GSDME: variants seen among roughly 807,000 people sequenced by gnomAD.
GSDME encodes gasdermin-E.
A neutral mutation model predicts 47.5 loss-of-function variants in GSDME; 44 were observed. The ratio of observed to expected loss-of-function variants is 0.93; its 90% confidence interval spans 0.73 to 1.19. The LOEUF (loss-of-function observed/expected upper bound fraction) is 1.19. Ranked by LOEUF, GSDME falls within the 50% of genes most tolerant of loss-of-function variation. The pLI, the probability that GSDME is intolerant of heterozygous loss-of-function variation, is 0.00. For synonymous variants in GSDME, 258 were observed against 252.8 expected (o/e 1.02, Z -0.20); for missense variants, 663 against 604.2 (o/e 1.10, Z -1.02).
chr7:24,747,138 A>G (rs1323113785), intron 2 of GSDME, among the ~76,000 whole-genome samples: 1 of 152,076 alleles, frequency 6.6e-6, no homozygotes, highest in Admixed American at 6.5e-5. Flanking sequence ...AACTCCAATT[A>G]CTCAGGAGTT....
chr7:24,724,432 CT>C lies in GSDME; in HGVS notation c.405-5215del, dbSNP rs1287055648. ...AGGAGAAAATGAACAAGCAGAGGTT[CT>C]TCATCCGCTTCACACATCTAAGGGC... On this transcript the variant is annotated intron_variant, in intron 3 of 9. Coordinates refer to ENST00000645220, the MANE Select transcript of GSDME (RefSeq NM_001127453.2). This position sits in a 1 kb window ranked among gnomAD's most constrained non-coding sequence, Gnocchi z 4.8. Among the ~76,000 whole-genome samples, 1 of 152,190 alleles carries C rather than the reference CT, an allele frequency of 6.6e-6. No individual in the cohort carries two copies. The highest frequency in any genetic ancestry group is 1.5e-5 in the Non-Finnish European group (1 of 68,026).
intron 1 of GSDME, among the ~76,000 whole-genome samples, chr7:24,755,795 C>T (rs1487591420): frequency 4.6e-5 from 7 of 152,136 alleles, no homozygotes; most frequent in Non-Finnish European, 7.4e-5. Flanking sequence ...TAAGAAAGTG[C>T]CCTTGAAAAA....
At chr7:24,766,233 ACAGT>A in the GSDME span, among the ~76,000 whole-genome samples, 1 of 147,154 alleles carries the variant, frequency 6.8e-6, no homozygotes, top group Non-Finnish European at 1.5e-5. The surrounding 1 kb of genome is among the most constrained non-coding windows in gnomAD (Gnocchi z 4.2). Context: ...GCCTGTTTTC[ACAGT>A]CAGCCTATAC....
chr7:24,708,499 A>C (rs1015421171), intron 6 of GSDME, among the ~76,000 whole-genome samples: 10 of 152,164 alleles, frequency 6.6e-5, no homozygotes, highest in Non-Finnish European at 2.9e-5. Flanking sequence ...TTCAAGCTTC[A>C]CTCTTCTCTG....
In GSDME at chr7:24,724,492, G is replaced by A. The variant is rs140485110; in HGVS notation, c.405-5274C>T. Among the ~76,000 whole-genome samples, 165 of 152,292 alleles carry A rather than the reference G, an allele frequency of 1.1e-3. 1 individual carries two copies. The East Asian group carries it at 0.029, about 27-fold the overall frequency. On this transcript the variant is annotated intron_variant, in intron 3 of 9. Transcript: ENST00000645220. The surrounding 1 kb of genome is among the most constrained non-coding windows in gnomAD (Gnocchi z 4.8). The stretch of plus-strand genomic sequence containing the variant: ...TGTTCTTCCTGGCGGGGGCGGCAAC[G>A]TGAAAGCAAGAACAGGAGGCCACTG...
At chr7:24,767,153 G>A in the GSDME span, among the ~76,000 whole-genome samples, 12,804 of 152,152 alleles carry the variant, frequency 0.084, 744 homozygotes, top group Non-Finnish European at 0.13. The surrounding 1 kb of genome is among the most constrained non-coding windows in gnomAD (Gnocchi z 5.3). Flanking sequence ...GTGAAACCCC[G>A]TCTCTACTAA....
the GSDME span, among the ~76,000 whole-genome samples, chr7:24,780,134 C>T: frequency 6.6e-6 from 1 of 152,246 alleles, no homozygotes; most frequent in Non-Finnish European, 1.5e-5. The surrounding 1 kb of genome is among the most constrained non-coding windows in gnomAD (Gnocchi z 4.1). Context: ...GCATCCCTGG[C>T]AGGACGTCCG....
In GSDME at chr7:24,732,515, T is replaced by C. The variant is rs915216344; in HGVS notation, c.404+12047A>G. Among the ~76,000 whole-genome samples the C allele has an allele frequency of 1.3e-5, 2 of 152,330 alleles. No homozygotes were observed. Among genetic ancestry groups the C allele is most frequent in the East Asian group, 3.9e-4 (2 of 5,184 alleles). ...GTACCTGGTTTTGACTTCATTTTGCTGAAAGAGGCACTGAAGAGGGTAGGA... is the reference window on the plus strand; with the variant it reads ...GTACCTGGTTTTGACTTCATTTTGCCGAAAGAGGCACTGAAGAGGGTAGGA... On this transcript the variant is annotated intron_variant, in intron 3 of 9. Coordinates refer to ENST00000645220, the MANE Select transcript of GSDME (RefSeq NM_001127453.2). The surrounding 1 kb of genome is among the most constrained non-coding windows in gnomAD (Gnocchi z 4.8).
chr7:24,750,911 GCTAA>G (rs1048227935), intron 1 of GSDME, among the ~76,000 whole-genome samples: 29 of 152,268 alleles, frequency 1.9e-4, no homozygotes, highest in Admixed American at 1.6e-3. Flanking sequence ...GGAACAATGG[GCTAA>G]CTATCTGGAA....
At position 24,749,629 on chromosome 7, in the gene GSDME, G is replaced by A. The variant is rs1267980857; in HGVS notation, c.146C>T (p.Pro49Leu). Residue 49 changes from proline (P) to leucine (L), a missense_variant, in exon 2 of 10, where the codon CCC (proline) becomes CTC (leucine). Coordinates refer to ENST00000645220, the MANE Select transcript of GSDME (RefSeq NM_001127453.2). The part of the protein sequence containing the change: ...KKKRFWCWQR[P>L]KYQFLSLTLG... ...GGTGAGGGATAAAAACTGGTACTTGGGTCTCTGCCAGCACCAGAATCTCTT... is the reference window on the plus strand; with the variant it reads ...GGTGAGGGATAAAAACTGGTACTTGAGTCTCTGCCAGCACCAGAATCTCTT... 6.2e-7 allele frequency: 1 copy of A among 1,613,980 alleles called. No homozygotes were observed. Among genetic ancestry groups the A allele is most frequent in the Non-Finnish European group, 8.5e-7 (1 of 1,180,010 alleles).
chr7:24,702,496 A>G (rs1788909471), intron 9 of GSDME: 2 of 391,286 alleles, frequency 5.1e-6, no homozygotes, highest in Non-Finnish European at 4.9e-6. Context: ...CAATGGGAAA[A>G]GTATAAGAGT....
rs1423132679 is a variant in GSDME at position 24,733,587 on chromosome 7, C to T, written c.404+10975G>A. 6.6e-6 allele frequency among the ~76,000 whole-genome samples: 1 copy of T among 152,058 alleles called. No homozygotes were observed. The highest frequency in any genetic ancestry group is 2.4e-5 in the African/African-American group (1 of 41,356). On this transcript the variant is annotated intron_variant, in intron 3 of 9. Transcript: ENST00000645220. This position sits in a 1 kb window ranked among gnomAD's most constrained non-coding sequence, Gnocchi z 4.3. Reference sequence around the variant, plus strand: ...GCGTCTCAAACCTGCCAGCATTCACCACAAGCTGACTAAAGAGCCCCTGGC... The same window carrying T: ...GCGTCTCAAACCTGCCAGCATTCACTACAAGCTGACTAAAGAGCCCCTGGC...
At chr7:24,784,852 G>A in the GSDME span, among the ~76,000 whole-genome samples, 6 of 151,958 alleles carry the variant, frequency 3.9e-5, no homozygotes, top group Admixed American at 6.6e-5. Context: ...GAGCCACCGC[G>A]CCCGGACTGC....
the GSDME span, among the ~76,000 whole-genome samples, chr7:24,787,335 A>C: frequency 1.3e-5 from 2 of 152,240 alleles, no homozygotes; most frequent in African/African-American, 2.4e-5. The surrounding 1 kb of genome is among the most constrained non-coding windows in gnomAD (Gnocchi z 5.0). Context: ...CAATGAAAAG[A>C]AGCACATCGT....
At position 24,754,892 on chromosome 7, in the gene GSDME, G is replaced by A. The variant is rs997145071; in HGVS notation, c.-20+2504C>T. Among the ~76,000 whole-genome samples the A allele has an allele frequency of 2.0e-5, 3 of 152,224 alleles. No homozygotes were observed. The highest frequency in any genetic ancestry group is 2.1e-4 in the South Asian group (1 of 4,830). On this transcript the variant is annotated intron_variant, in intron 1 of 9. Transcript: ENST00000645220. This position sits in a 1 kb window ranked among gnomAD's most constrained non-coding sequence, Gnocchi z 5.0. ...CTGGTTGAACCCTGGGCCTCTGCCT[G>A]AAGAGTTCTAGAAAAGAAACTTCAA...
chr7:24,732,293 T>C lies in GSDME; in HGVS notation c.404+12269A>G, dbSNP rs1377804670. 6.6e-6 allele frequency among the ~76,000 whole-genome samples: 1 copy of C among 152,192 alleles called. No homozygotes were observed. The highest frequency in any genetic ancestry group is 2.4e-5 in the African/African-American group (1 of 41,444). On this transcript the variant is annotated intron_variant, in intron 3 of 9. Coordinates refer to ENST00000645220, the MANE Select transcript of GSDME (RefSeq NM_001127453.2). The surrounding 1 kb of genome is among the most constrained non-coding windows in gnomAD (Gnocchi z 4.8). Reference sequence around the variant, plus strand: ...GTAGGAAGGAAGCCCAGTTCAAACTTTGTTTTTTCCAAGAAAGACATGGCT... The same window carrying C: ...GTAGGAAGGAAGCCCAGTTCAAACTCTGTTTTTTCCAAGAAAGACATGGCT...
In GSDME at chr7:24,698,635, A is replaced by G. The variant is rs1282618340; in HGVS notation, c.*391T>C. ...TTGTGTGCAGAGAAATTGCCTTCCC[A>G]CAGCATTCACAATGTAAAAAGACCT... On this transcript the variant is annotated 3_prime_UTR_variant, in exon 10 of 10. Transcript: ENST00000645220. 1 of 298,324 alleles carries G rather than the reference A, an allele frequency of 3.4e-6. No homozygotes were observed. The highest frequency in any genetic ancestry group is 8.7e-5 in the East Asian group (1 of 11,466). The allele number at this position is 298,324 out of a possible 1,614,324, so 18.5% of individuals were successfully genotyped here.
In GSDME at chr7:24,699,035, TTC is replaced by T; in HGVS notation, c.1480_1481del (p.Glu494ThrfsTer9). ...TLNGLCALGR[E>X]HS ...TAGTTCACATATGACATCATGAATG[TTC>T]TCTGCCTAAAGCACAGAGTCCATTC... On this transcript the variant is annotated frameshift_variant, in exon 10 of 10. Coordinates refer to ENST00000645220, the MANE Select transcript of GSDME (RefSeq NM_001127453.2). LOFTEE classifies it high-confidence loss of function. The T allele has an allele frequency of 6.2e-7, 1 of 1,609,746 alleles. No individual in the cohort carries two copies. The highest frequency in any genetic ancestry group is 8.5e-7 in the Non-Finnish European group (1 of 1,176,020).
At chr7:24,794,280 C>CTCTCTTTGCCTCTTTTCTT in the GSDME span, among the ~76,000 whole-genome samples, 1 of 134,572 alleles carries the variant, frequency 7.4e-6, no homozygotes, top group Non-Finnish European at 1.5e-5. Flanking sequence ...CTCTCTCTTT[C>CTCTCTTTGCCTCTTTTCTT]CTCTCTCTCT....
Sources: allele counts gnomAD v4.1 joint callset (sites outside exome capture counted in the v4.1 genomes callset), GRCh38; gene constraint gnomAD v4.1.1; non-coding constraint Gnocchi (gnomAD v3.1); transcripts MANE v1.5; gene names NCBI Gene and HGNC (gene_info 2026-07-23, HGNC 2026-07-21).